PATL1: variants seen among roughly 807,000 people sequenced by gnomAD.
PATL1 encodes the protein protein PAT1 homolog 1.
In PATL1, 32 loss-of-function variants were observed where a neutral mutation model predicts 100.6. The ratio of observed to expected loss-of-function variants is 0.32; its 90% confidence interval spans 0.24 to 0.43. The LOEUF is 0.43. Ranked by LOEUF, PATL1 falls within the 20% of genes least tolerant of loss-of-function variation. The pLI, the probability that PATL1 is intolerant of heterozygous loss-of-function variation, is 1.00. For synonymous variants in PATL1, 332 were observed against 330.0 expected (o/e 1.01, Z -0.07); for missense variants, 747 against 949.9 (o/e 0.79, Z 2.81).
chr11:59,644,491 C>A (rs1861332738), intron 15 of PATL1, among the ~76,000 whole-genome samples: 1 of 152,006 alleles, frequency 6.6e-6, no homozygotes. Context: ...TTGCATTTGC[C>A]TGGTAAGGTT....
At chr11:59,668,560 T>C (rs1861725993) in intron 1 of PATL1, among the ~76,000 whole-genome samples, 1 of 147,492 alleles carries the variant, frequency 6.8e-6, no homozygotes, top group East Asian at 2.0e-4. Context: ...CCCGGGGAGA[T>C]GCAGTGCTCT....
At chr11:59,651,767 C>T in intron 11 of PATL1, 126 bp from the exon 12 acceptor site, 1 of 660,370 alleles carries the variant, frequency 1.5e-6, no homozygotes, top group South Asian at 1.9e-5. Flanking sequence ...TACTGCAAAA[C>T]TCAATGTATC....
At chr11:59,653,588 A>T (rs1861478149) in intron 9 of PATL1, among the ~76,000 whole-genome samples, 1 of 152,206 alleles carries the variant, frequency 6.6e-6, no homozygotes, top group Non-Finnish European at 1.5e-5. Flanking sequence ...ATATTAAAAT[A>T]ACACAGTGCT....
chr11:59,657,568 G>A lies in PATL1; in HGVS notation c.583C>T (p.Pro195Ser). 6.2e-7 allele frequency: 1 copy of A among 1,611,810 alleles called. No homozygotes were observed. The highest frequency in any genetic ancestry group is 8.5e-7 in the Non-Finnish European group (1 of 1,179,630). The change falls in exon 5 of 19, where the codon CCA becomes TCA. Residue 195 changes from proline to serine, a missense_variant. By Grantham distance (74) the Pro-to-Ser change is moderately conservative. Transcript: ENST00000300146. ...CTGGGTACAGCCATCTGTTTAGGTGGGGTGCCTATGGGGACAGCTCTAACA... is the reference window on the plus strand; with the variant it reads ...CTGGGTACAGCCATCTGTTTAGGTGAGGTGCCTATGGGGACAGCTCTAACA... ...PPVRAVPIGT[P>S]PKQMAVPSFT...
rs1410051706 is a variant in PATL1, at chr11:59,639,546, G to C, written c.2050-163C>G. On this transcript the variant is annotated intron_variant, in intron 16 of 18. Transcript: ENST00000300146. ...GGTAAAGATCAGACAAGCATGAGTT[G>C]AAAGGCTATGTCTCTCTCCAGGCTT... 4.0e-4 allele frequency: 239 copies of C among 601,490 alleles called. 1 individual carries two copies. The highest frequency in any genetic ancestry group is 1.0e-4 in the Non-Finnish European group (35 of 341,584). The allele number at this position is 601,490 out of a possible 1,614,324, so 37.3% of individuals were successfully genotyped here.
At position 59,656,618 on chromosome 11, in the gene PATL1, T is replaced by C; in HGVS notation, c.622-18A>G. 6.3e-7 allele frequency: 1 copy of C among 1,598,434 alleles called. No individual in the cohort carries two copies. Among genetic ancestry groups the C allele is most frequent in the Non-Finnish European group, 8.6e-7 (1 of 1,166,060 alleles). On this transcript the variant is annotated intron_variant, in intron 5 of 18. Coordinates refer to ENST00000300146, the MANE Select transcript of PATL1 (RefSeq NM_152716.3). Reference sequence around the variant, plus strand: ...CACAGAATCTATCAGGACAAACATATATACAACTACACTCAATGAAATCAG... The same window carrying C: ...CACAGAATCTATCAGGACAAACATACATACAACTACACTCAATGAAATCAG...
chr11:59,650,643 A>G, intron 13 of PATL1, 111 bp downstream of exon 13: 1 of 731,398 alleles, frequency 1.4e-6, no homozygotes, highest in Non-Finnish European at 2.2e-6. Context: ...TATATTCATG[A>G]ATTAAAACCA....
intron 15 of PATL1, 33 bp downstream of exon 15, chr11:59,647,721 T>C (rs755525808): frequency 6.2e-7 from 1 of 1,606,912 alleles, no homozygotes; most frequent in Non-Finnish European, 8.5e-7. Flanking sequence ...TTATAAAGAC[T>C]CAAAAGAAAG....
chr11:59,656,430 G>T, intron 6 of PATL1, 69 bp downstream of exon 6: 1 of 1,267,028 alleles, frequency 7.9e-7, no homozygotes, highest in Non-Finnish European at 1.1e-6. Context: ...CTAAATACTG[G>T]CAGTGATCTT....
Position 59,666,918 on chromosome 11 carries a change from C to G in PATL1, c.62G>C (p.Gly21Ala), listed in dbSNP as rs571590379. Residue 21 changes from glycine (G) to alanine (A), a missense_variant, in exon 2 of 19, where the codon GGA becomes GCA. Physicochemically the swap from Gly to Ala is moderately conservative, Grantham distance 60. Coordinates refer to ENST00000300146, the MANE Select transcript of PATL1 (RefSeq NM_152716.3). ...AATCTCTTCATCTTCTTCTCCCAGT[C>G]CCTGAAATGCATCTTCATCTTCATC... ...PLDEDEDAFQ[G>A]LGEEDEEIDQ... The G allele has an allele frequency of 3.2e-6, 5 of 1,550,744 alleles. No individual in the cohort carries two copies. In the East Asian group the frequency reaches 1.2e-4, roughly 38 times the overall value.
intron 2 of PATL1, among the ~76,000 whole-genome samples, chr11:59,660,858 C>T (rs1305749323): frequency 6.6e-6 from 1 of 152,188 alleles, no homozygotes; most frequent in Non-Finnish European, 1.5e-5. Flanking sequence ...CTGCACACTA[C>T]TATAAAGTCT....
chr11:59,655,962 T>G lies in PATL1; in HGVS notation c.807A>C (p.Gly269=). The part of the protein sequence containing the change: ...SPLQRAQLLG[G]AQLQPGRMSP... ...GGGCTAATCACAGGCTTACCTGTGCTCCTCCAAGAAGCTGTGCTCTCTGGA... is the reference window on the plus strand; with the variant it reads ...GGGCTAATCACAGGCTTACCTGTGCGCCTCCAAGAAGCTGTGCTCTCTGGA... The change falls in exon 7 of 19, where the codon GGA becomes GGC. Residue 269 remains glycine (G), a synonymous_variant. Coordinates refer to ENST00000300146, the MANE Select transcript of PATL1 (RefSeq NM_152716.3). 1 of 1,587,784 alleles carries G rather than the reference T, an allele frequency of 6.3e-7. No homozygotes were observed.
Position 59,647,882 on chromosome 11 carries a change from A to T in PATL1, c.1765T>A (p.Cys589Ser), listed in dbSNP as rs1336207971. The T allele has an allele frequency of 6.2e-7, 1 of 1,613,964 alleles. No homozygotes were observed. The part of the protein sequence containing the change: ...PSDDHFVQIM[C>S]IRKGKRMVAR... ...ACCATTCTCTTCCCTTTTCGGATAC[A>T]CATGATCTGTACAAAGTGGTCATCA... Residue 589 changes from cysteine to serine, a missense_variant, in exon 15 of 19, where the codon TGT (cysteine) becomes AGT (serine). Physicochemically the swap from Cys to Ser is moderately radical, Grantham distance 112. This residue lies in a region of PATL1 where 434 missense variants were observed against 596.1 expected (regional missense o/e 0.73). Coordinates refer to ENST00000300146, the MANE Select transcript of PATL1 (RefSeq NM_152716.3).
Position 59,652,992 on chromosome 11 carries a change from C to G in PATL1, c.1148G>C (p.Gly383Ala), listed in dbSNP as rs1861468389. ...RSQHRNLNGAGDRGSHRSSHQ... is the reference protein window; with the variant it reads ...RSQHRNLNGAADRGSHRSSHQ... Reference sequence around the variant, plus strand: ...ACTGCTCCGGTGACTTCCTCTATCTCCCGCACCATTGAGATTCCGATGCTG... The same window carrying G: ...ACTGCTCCGGTGACTTCCTCTATCTGCCGCACCATTGAGATTCCGATGCTG... Residue 383 changes from glycine (G) to alanine (A), a missense_variant, in exon 10 of 19, where the codon GGA becomes GCA. Gly to Ala is a moderately conservative substitution (Grantham distance 60). This residue lies in a region of PATL1 where 434 missense variants were observed against 596.1 expected (regional missense o/e 0.73). Transcript: ENST00000300146. 1 of 1,613,578 alleles carries G rather than the reference C, an allele frequency of 6.2e-7. No homozygotes were observed.
rs180993721 is a variant in PATL1, at chr11:59,638,167, G to C, written c.*223C>G. On this transcript the variant is annotated 3_prime_UTR_variant, in exon 19 of 19. Transcript: ENST00000300146. Reference sequence around the variant, plus strand: ...GTAGGACATGCAGAACTGTAACACAGAAGGTAAAGAAACCAGCAGAAGTAT... The same window carrying C: ...GTAGGACATGCAGAACTGTAACACACAAGGTAAAGAAACCAGCAGAAGTAT... The C allele has an allele frequency of 8.3e-4, 488 of 585,610 alleles. No individual in the cohort carries two copies. Among genetic ancestry groups the C allele is most frequent in the Admixed American group, 1.5e-3 (51 of 33,526 alleles). 36.3% of individuals were successfully genotyped at this position (585,610 alleles called of 1,614,324 possible). A position where few individuals can be genotyped will look rare whatever the true frequency, so the allele number is the denominator to read the frequency against.
At chr11:59,668,049 T>C (rs942851751) in intron 1 of PATL1, among the ~76,000 whole-genome samples, 10 of 152,254 alleles carry the variant, frequency 6.6e-5, no homozygotes, top group Non-Finnish European at 1.5e-4. Flanking sequence ...CCAATAGGCA[T>C]GCCACTGCCT....
Position 59,649,533 on chromosome 11 carries a change from T to G in PATL1, c.1662A>C (p.Leu554=). 1 of 1,613,882 alleles carries G rather than the reference T, an allele frequency of 6.2e-7. No homozygotes were observed. Among genetic ancestry groups the G allele is most frequent in the East Asian group, 2.2e-5 (1 of 44,876 alleles). The change falls in exon 14 of 19, where the codon CTA becomes CTC. Residue 554 remains leucine (L), a synonymous_variant. Coordinates refer to ENST00000300146, the MANE Select transcript of PATL1 (RefSeq NM_152716.3). The part of the protein sequence containing the change: ...LLSLEEERPA[L]MDDRKHKICS... ...AAATTTTGTGCTTTCTGTCATCCAT[T>G]AGGGCAGGTCGCTCTTCTTCCAGAC...
intron 2 of PATL1, among the ~76,000 whole-genome samples, chr11:59,662,141 A>G (rs925095929): frequency 6.6e-6 from 1 of 152,230 alleles, no homozygotes; most frequent in Non-Finnish European, 1.5e-5. Flanking sequence ...ACTTTCAAAT[A>G]TATAATTTTG....
chr11:59,644,480 A>T (rs1861332585), intron 15 of PATL1, among the ~76,000 whole-genome samples: 2 of 152,120 alleles, frequency 1.3e-5, no homozygotes, highest in South Asian at 4.1e-4. Flanking sequence ...AGATCCACAC[A>T]TTGCATTTGC....
Sources: gnomAD v4.1 joint callset for allele counts (sites outside exome capture counted in the v4.1 genomes callset) on GRCh38, gnomAD v4.1.1 for gene constraint, gnomAD v4.1.1 regional missense constraint, MANE v1.5 for transcripts, NCBI Gene and HGNC (gene_info 2026-07-23, HGNC 2026-07-21) for gene names.